CCL17: variants seen among roughly 807,000 people sequenced by gnomAD.
The protein encoded by CCL17 is C-C motif chemokine ligand 17.
A neutral mutation model predicts 7.4 loss-of-function variants in CCL17; 8 were observed. That is an observed-to-expected ratio of 1.09 (90% CI 0.64 to 1.96). The LOEUF is 1.96. Ranked by LOEUF, CCL17 falls within the 30% of genes most tolerant of loss-of-function variation. The pLI, the probability that CCL17 is intolerant of heterozygous loss-of-function variation, is 0.00. For synonymous variants in CCL17, 40 were observed against 46.1 expected (o/e 0.87, Z 0.54); for missense variants, 102 against 113.0 (o/e 0.90, Z 0.44).
At chr16:57,414,410 CTTTTTTTTTTT>C (rs71152269) in intron 2 of CCL17, among the ~76,000 whole-genome samples, 5 of 75,966 alleles carry the variant, frequency 6.6e-5, no homozygotes, top group Admixed American at 2.0e-4. Flanking sequence ...AAAAAGGATT[CTTTTTTTTTTT>C]TTTTTTTTTT....
At position 57,415,917 on chromosome 16, in the gene CCL17, G is replaced by A. The variant is rs1436295396; in HGVS notation, c.*56G>A. 4.9e-6 allele frequency: 6 copies of A among 1,223,028 alleles called. No homozygotes were observed. The highest frequency in any genetic ancestry group is 4.7e-5 in the East Asian group (2 of 42,730). The allele number at this position is 1,223,028 out of a possible 1,614,324, so 75.8% of individuals were successfully genotyped here. A position where few individuals can be genotyped will look rare whatever the true frequency, so the allele number is the denominator to read the frequency against. ...CCCGGGACTACCTGGGACCTCCACC[G>A]TTGGTGTTCACCGCCCCCACCCTGA... On this transcript the variant is annotated 3_prime_UTR_variant, in exon 4 of 4. Coordinates refer to ENST00000219244, the MANE Select transcript of CCL17 (RefSeq NM_002987.3). The surrounding 1 kb of genome is among the most constrained non-coding windows in gnomAD (Gnocchi z 4.5).
At chr16:57,404,867 C>T (rs1478742184) in intron 1 of CCL17, 31 bp downstream of exon 1, 1 of 154,330 alleles carries the variant, frequency 6.5e-6, no homozygotes, top group Non-Finnish European at 1.5e-5. Flanking sequence ...TGCTCCTAAC[C>T]CCTCCACTGT....
At chr16:57,403,819 G>A (rs1452863553), upstream of CCL17, among the ~76,000 whole-genome samples, 4 of 148,426 alleles carry the variant, frequency 2.7e-5, no homozygotes, top group South Asian at 2.1e-4. Context: ...ACCACGCTCA[G>A]CTGATTTTTG....
At chr16:57,406,202 G>A (rs1407770228) in intron 1 of CCL17, among the ~76,000 whole-genome samples, 2 of 152,160 alleles carry the variant, frequency 1.3e-5, no homozygotes, top group Non-Finnish European at 2.9e-5. Flanking sequence ...GATTTATTTT[G>A]TTGTTGTTGA....
At chr16:57,414,507 C>T (rs1027318396) in intron 2 of CCL17, among the ~76,000 whole-genome samples, 10 of 146,528 alleles carry the variant, frequency 6.8e-5, no homozygotes, top group Non-Finnish European at 1.0e-4. Flanking sequence ...CAACCTCTGC[C>T]TCCCGGATTC....
Position 57,416,051 on chromosome 16 carries a change from G to A in CCL17, c.*190G>A. 1 of 569,414 alleles carries A rather than the reference G, an allele frequency of 1.8e-6. No homozygotes were observed. Among genetic ancestry groups the A allele is most frequent in the Non-Finnish European group, 3.2e-6 (1 of 316,314 alleles). 35.3% of individuals were successfully genotyped at this position (569,414 alleles called of 1,614,324 possible). On this transcript the variant is annotated 3_prime_UTR_variant, in exon 4 of 4. Transcript: ENST00000219244. ...ATGGGCACAAAGGGCCCAGATTAAAGTCTTTATCCTCAGTCTGTGTCAGCG... is the reference window on the plus strand; with the variant it reads ...ATGGGCACAAAGGGCCCAGATTAAAATCTTTATCCTCAGTCTGTGTCAGCG...
chr16:57,409,747 C>A (rs956206641), intron 1 of CCL17, among the ~76,000 whole-genome samples: 1 of 152,162 alleles, frequency 6.6e-6, no homozygotes, highest in Non-Finnish European at 1.5e-5. Context: ...CAAGAGGACA[C>A]CCTGTCAGGA....
rs143040587 is a variant in CCL17 at position 57,414,183 on chromosome 16, G to A, written c.70+181G>A. Among the ~76,000 whole-genome samples the A allele has an allele frequency of 7.2e-3, 1,098 of 152,166 alleles. 17 individuals are homozygous for A. The highest frequency in any genetic ancestry group is 0.025 in the African/African-American group (1,050 of 41,494). The stretch of plus-strand genomic sequence containing the variant: ...GAAACAAGCAGAGAAAAATGTTGAT[G>A]ATGACGATGCCCCAGCTCTTGCGGG... On this transcript the variant is annotated intron_variant, in intron 2 of 3. Coordinates refer to ENST00000219244, the MANE Select transcript of CCL17 (RefSeq NM_002987.3).
At position 57,415,203 on chromosome 16, in the gene CCL17, GTC is replaced by G; in HGVS notation, c.188+6_188+7del. On this transcript the variant is annotated splice_donor_region_variant and intron_variant, in intron 3 of 3. Coordinates refer to ENST00000219244, the MANE Select transcript of CCL17 (RefSeq NM_002987.3). This position sits in a 1 kb window ranked among gnomAD's most constrained non-coding sequence, Gnocchi z 4.5. ...CTGCTCCAGGGATGCCATCGTGTAA[GTC>G]CCCCTGGCTCCACCCCTGCTCCTCA... The G allele has an allele frequency of 6.3e-7, 1 of 1,577,312 alleles. No individual in the cohort carries two copies. The highest frequency in any genetic ancestry group is 1.1e-5 in the South Asian group (1 of 90,382).
intron 1 of CCL17, among the ~76,000 whole-genome samples, chr16:57,405,444 G>A (rs1218293394): frequency 6.6e-6 from 1 of 152,170 alleles, no homozygotes; most frequent in Non-Finnish European, 1.5e-5. Flanking sequence ...TTTCAGACTT[G>A]GGGGCAGATG....
At chr16:57,403,446 AT>A (rs1480644048), upstream of CCL17, among the ~76,000 whole-genome samples, 3 of 12,554 alleles carry the variant, frequency 2.4e-4, no homozygotes, top group Non-Finnish European at 3.1e-4. Context: ...TAATATATAT[AT>A]TATATTATAA....
rs568442268 is a variant in CCL17 at position 57,414,774 on chromosome 16, G to T, written c.71-307G>T. On this transcript the variant is annotated intron_variant, in intron 2 of 3. Coordinates refer to ENST00000219244, the MANE Select transcript of CCL17 (RefSeq NM_002987.3). The stretch of plus-strand genomic sequence containing the variant: ...GCCAGGTATAGACATACAGGGACGC[G>T]CACAGATGCACAGAGACACACACGT... Among the ~76,000 whole-genome samples, 95 of 151,912 alleles carry T rather than the reference G, an allele frequency of 6.3e-4. 1 individual carries two copies. Among genetic ancestry groups the T allele is most frequent in the Non-Finnish European group, 9.9e-4 (67 of 67,974 alleles).
chr16:57,414,174 A>C (rs1431661475), intron 2 of CCL17, among the ~76,000 whole-genome samples, 172 bp downstream of exon 2: 1 of 151,964 alleles, frequency 6.6e-6, no homozygotes, highest in Non-Finnish European at 1.5e-5. Context: ...AGCAGAGAAA[A>C]ATGTTGATGA....
the CCL17 span, among the ~76,000 whole-genome samples, chr16:57,398,841 A>C: frequency 0.028 from 4,338 of 152,326 alleles, 80 homozygotes; most frequent in Middle Eastern, 0.071. Flanking sequence ...GAAGGACCAG[A>C]GTCCCTGAAC....
At chr16:57,410,125 G>C (rs1019170214) in intron 1 of CCL17, among the ~76,000 whole-genome samples, 10 of 152,278 alleles carry the variant, frequency 6.6e-5, no homozygotes, top group Middle Eastern at 3.4e-3. Flanking sequence ...CAGCCGCTTG[G>C]CTGCCCTGTG....
upstream of CCL17, among the ~76,000 whole-genome samples, chr16:57,399,948 G>A (rs189398584): frequency 6.6e-6 from 1 of 152,270 alleles, no homozygotes; most frequent in East Asian, 1.9e-4. Context: ...GTATTGCCAA[G>A]GAAGACTTTA....
At chr16:57,400,060 T>C (rs1362904800), upstream of CCL17, among the ~76,000 whole-genome samples, 1 of 152,090 alleles carries the variant, frequency 6.6e-6, no homozygotes, top group Non-Finnish European at 1.5e-5. Flanking sequence ...TGTAACAATG[T>C]ATAAGAAAAC....
At position 57,415,888 on chromosome 16, in the gene CCL17, G is replaced by C; in HGVS notation, c.*27G>C. 6.8e-7 allele frequency: 1 copy of C among 1,461,204 alleles called. No individual in the cohort carries two copies. The allele number at this position is 1,461,204 out of a possible 1,614,324, so 90.5% of individuals were successfully genotyped here. Reference sequence around the variant, plus strand: ...GCCTCCTCACCCCAGACTCCTGACTGTCTCCCGGGACTACCTGGGACCTCC... The same window carrying C: ...GCCTCCTCACCCCAGACTCCTGACTCTCTCCCGGGACTACCTGGGACCTCC... On this transcript the variant is annotated 3_prime_UTR_variant, in exon 4 of 4. Transcript: ENST00000219244. This position sits in a 1 kb window ranked among gnomAD's most constrained non-coding sequence, Gnocchi z 4.5.
At chr16:57,409,766 C>T (rs555346046) in intron 1 of CCL17, among the ~76,000 whole-genome samples, 1 of 152,266 alleles carries the variant, frequency 6.6e-6, no homozygotes, top group South Asian at 2.1e-4. Context: ...GAACGACAGA[C>T]ACATCAATGG....
Sources: allele counts gnomAD v4.1 joint callset (sites outside exome capture counted in the v4.1 genomes callset), GRCh38; gene constraint gnomAD v4.1.1; non-coding constraint Gnocchi (gnomAD v3.1); transcripts MANE v1.5; gene names NCBI Gene and HGNC (gene_info 2026-07-23, HGNC 2026-07-21).